ZNF532: variants seen among roughly 807,000 people sequenced by gnomAD.
The protein encoded by ZNF532 is zinc finger protein 532.
In ZNF532, 22 loss-of-function variants were observed where a neutral mutation model predicts 89.3. That is an observed-to-expected ratio of 0.25 (90% CI 0.18 to 0.35). ZNF532 has a LOEUF of 0.35. Ranked by LOEUF, ZNF532 falls within the 10% of genes least tolerant of loss-of-function variation. The pLI is 1.00. For missense variants in ZNF532, 1,132 were observed against 1,643.4 expected (o/e 0.69, Z 5.38); for synonymous variants, 606 against 649.6 (o/e 0.93, Z 1.02).
intron 2 of ZNF532, among the ~76,000 whole-genome samples, chr18:58,917,274 A>G (rs1568308640): frequency 6.6e-6 from 1 of 152,042 alleles, no homozygotes; most frequent in Non-Finnish European, 1.5e-5. Context: ...TTATAAACCC[A>G]GTGCCTGTCT....
intron 6 of ZNF532, 25 bp from the exon 7 acceptor site, chr18:58,953,493 T>G: frequency 1.3e-6 from 2 of 1,584,638 alleles, no homozygotes; most frequent in Non-Finnish European, 1.7e-6. Context: ...TTGTGATAGA[T>G]ATTTCTTTTC....
intron 7 of ZNF532, among the ~76,000 whole-genome samples, chr18:58,960,533 C>G (rs968087224): frequency 2.6e-5 from 4 of 152,204 alleles, no homozygotes; most frequent in African/African-American, 9.6e-5. Context: ...GGTGAAGTAG[C>G]TGGTTCCTGC....
chr18:58,903,891 A>G (rs1370987400), intron 2 of ZNF532, among the ~76,000 whole-genome samples: 1 of 152,250 alleles, frequency 6.6e-6, no homozygotes, highest in Admixed American at 6.5e-5. Context: ...AACCGTGGAC[A>G]ATGTGTGCAT....
intron 3 of ZNF532, among the ~76,000 whole-genome samples, chr18:58,927,883 A>T (rs2061653183): frequency 6.6e-6 from 1 of 152,084 alleles, no homozygotes. Context: ...GTTGTCTCTG[A>T]ATGGAAGACA....
chr18:58,885,816 C>A (rs7239726), intron 2 of ZNF532, among the ~76,000 whole-genome samples: 2,126 of 150,332 alleles, frequency 0.014, 46 homozygotes, highest in African/African-American at 0.05. Context: ...ATCGCATCAT[C>A]GTACTCCAGC....
chr18:58,939,932 C>T lies in ZNF532; in HGVS notation c.2705+311C>T, dbSNP rs536997078. The T allele has an allele frequency of 1.3e-4, 24 of 187,932 alleles. 1 individual carries two copies. The South Asian group carries it at 2.2e-3, about 18-fold the overall frequency. The allele number at this position is 187,932 out of a possible 1,614,324, so 11.6% of individuals were successfully genotyped here. On this transcript the variant is annotated intron_variant, in intron 5 of 9. Coordinates refer to ENST00000591808, the MANE Select transcript of ZNF532 (RefSeq NM_001375912.1). ...TTTTGAGACAAGAGTCTCGCTCTGT[C>T]GCCCAGGCTAGAGTGCAGTGGTGCG...
rs200614911 is a variant in ZNF532, at chr18:58,940,923, TACACACACACAC to T, written c.2705+1327_2705+1338del. 1.2e-3 allele frequency among the ~76,000 whole-genome samples: 143 copies of T among 118,644 alleles called. 1 individual carries two copies. The highest frequency in any genetic ancestry group is 4.1e-3 in the Admixed American group (48 of 11,790). 77.8% of individuals were successfully genotyped at this position (118,644 alleles called of 152,430 possible). A position where few individuals can be genotyped will look rare whatever the true frequency, so the allele number is the denominator to read the frequency against. Reference sequence around the variant, plus strand: ...GAAGATACACAGCTATGCCATATTTTACACACACACACACACACACACACACACACACACACT... The same window carrying T: ...GAAGATACACAGCTATGCCATATTTTACACACACACACACACACACACACT... On this transcript the variant is annotated intron_variant, in intron 5 of 9. Transcript: ENST00000591808.
At chr18:58,876,246 C>G (rs767973846) in intron 2 of ZNF532, among the ~76,000 whole-genome samples, 5 of 152,088 alleles carry the variant, frequency 3.3e-5, no homozygotes, top group Admixed American at 6.5e-5. Context: ...ACTTGGGGAT[C>G]TTGTTAAAAT....
rs976771613 is a variant in ZNF532, at chr18:58,948,048, C to T, written c.2706-19C>T. The T allele has an allele frequency of 2.5e-6, 4 of 1,599,354 alleles. No individual in the cohort carries two copies. The African/African-American group carries it at 5.4e-5, about 22-fold the overall frequency. ...AAAGAGGCTGACTGACATGATCTCG[C>T]TGCACTCTTCTATTTTAGAATAATA... On this transcript the variant is annotated intron_variant, in intron 5 of 9. Transcript: ENST00000591808.
chr18:58,981,622 A>G lies in ZNF532; in HGVS notation c.3411+5A>G. 1 of 1,614,048 alleles carries G rather than the reference A, an allele frequency of 6.2e-7. No individual in the cohort carries two copies. Among genetic ancestry groups the G allele is most frequent in the Non-Finnish European group, 8.5e-7 (1 of 1,179,926 alleles). ...GAAATAAAAGAAGACACTAAGGTCTAACATTGCAGATGTTTGCTTTACAGT... is the reference window on the plus strand; with the variant it reads ...GAAATAAAAGAAGACACTAAGGTCTGACATTGCAGATGTTTGCTTTACAGT... On this transcript the variant is annotated splice_donor_5th_base_variant and intron_variant, in intron 9 of 9. Transcript: ENST00000591808.
chr18:58,918,871 T>A lies in ZNF532; in HGVS notation c.584T>A (p.Val195Glu). 6.2e-7 allele frequency: 1 copy of A among 1,614,028 alleles called. No homozygotes were observed. The highest frequency in any genetic ancestry group is 1.1e-5 in the South Asian group (1 of 91,072). Reference sequence around the variant, plus strand: ...ACTGGACTCTCTACGTCAGGCAATGTGGAGAAAAACAAAGCTGTTAAGAGA... The same window carrying A: ...ACTGGACTCTCTACGTCAGGCAATGAGGAGAAAAACAAAGCTGTTAAGAGA... ...SKTGLSTSGN[V>E]EKNKAVKRET... Residue 195 changes from valine (V) to glutamate (E), a missense_variant, in exon 3 of 10, where the codon GTG (valine) becomes GAG (glutamate). Around this residue, in one of 9 missense-constraint regions of ZNF532, gnomAD observed 302 missense variants for 319.8 expected, o/e 0.94. Coordinates refer to ENST00000591808, the MANE Select transcript of ZNF532 (RefSeq NM_001375912.1).
chr18:58,975,188 G>GTGA (rs542120118), intron 7 of ZNF532, among the ~76,000 whole-genome samples: 301 of 152,272 alleles, frequency 2.0e-3, no homozygotes, highest in African/African-American at 6.5e-3. Context: ...ATAAAAAGGT[G>GTGA]TGAGCTGAAG....
chr18:58,943,158 C>CTTTTTTTTTTTTTTTTT (rs11289347), intron 5 of ZNF532, among the ~76,000 whole-genome samples: 1 of 123,122 alleles, frequency 8.1e-6, no homozygotes, highest in African/African-American at 3.1e-5. Flanking sequence ...ATTACTATAT[C>CTTTTTTTTTTTTTTTTT]TTTTTTTTTT....
intron 7 of ZNF532, among the ~76,000 whole-genome samples, chr18:58,967,674 G>A (rs143632028): frequency 2.7e-3 from 413 of 152,246 alleles, no homozygotes; most frequent in African/African-American, 9.5e-3. Context: ...GGTAAATACC[G>A]TGGAAGGAAT....
chr18:58,904,397 G>A (rs946274651), intron 2 of ZNF532, among the ~76,000 whole-genome samples: 3 of 151,796 alleles, frequency 2.0e-5, no homozygotes, highest in Non-Finnish European at 2.9e-5. Context: ...TAAATTTTAT[G>A]TTTTGTGTGT....
intron 2 of ZNF532, among the ~76,000 whole-genome samples, chr18:58,873,671 C>T (rs1306959592): frequency 6.6e-6 from 1 of 152,004 alleles, no homozygotes; most frequent in Non-Finnish European, 1.5e-5. Context: ...TATCTCCTGA[C>T]CTCAGGTGAT....
intron 2 of ZNF532, among the ~76,000 whole-genome samples, chr18:58,891,464 A>AG (rs2058898478): frequency 6.6e-6 from 1 of 152,226 alleles, no homozygotes; most frequent in Non-Finnish European, 1.5e-5. Context: ...CAGGAGGCAG[A>AG]GGTTGCAGTG....
chr18:58,886,879 G>T (rs994026241), intron 2 of ZNF532, among the ~76,000 whole-genome samples: 2 of 152,146 alleles, frequency 1.3e-5, no homozygotes. Context: ...TGGATTTTTA[G>T]AATTTATTGG....
In ZNF532 at chr18:58,984,086, T is replaced by G; in HGVS notation, c.3526T>G (p.Cys1176Gly). 2 of 1,611,810 alleles carry G rather than the reference T, an allele frequency of 1.2e-6. No homozygotes were observed. The highest frequency in any genetic ancestry group is 1.7e-6 in the Non-Finnish European group (2 of 1,179,804). The change falls in exon 10 of 10, where the codon TGT becomes GGT. Residue 1176 changes from cysteine (C) to glycine (G), a missense_variant. This residue lies in a region of ZNF532 where 415 missense variants were observed against 604.8 expected (regional missense o/e 0.69). Transcript: ENST00000591808. ...AATCAATGTTTTTAAGGTTCACAAG[T>G]GTGCCGTGTGTGGCTTCACCACCGA... ...LKINVFKVHKCAVCGFTTENL... is the reference protein window; with the variant it reads ...LKINVFKVHKGAVCGFTTENL...
Sources: gnomAD v4.1 joint callset for allele counts (sites outside exome capture counted in the v4.1 genomes callset) on GRCh38, gnomAD v4.1.1 for gene constraint, gnomAD v4.1.1 regional missense constraint, MANE v1.5 for transcripts, NCBI Gene and HGNC (gene_info 2026-07-23, HGNC 2026-07-21) for gene names.